Variants in BSN observed in about 807,000 individuals in gnomAD.
The protein encoded by BSN is bassoon presynaptic cytomatrix protein, also known as protein bassoon.
Under a neutral mutation model 264.8 loss-of-function variants are expected in BSN, and 57 were observed. The observed-to-expected ratio is 0.22, with a 90% CI of 0.17 to 0.27. The LOEUF is 0.27. Among genes scored for constraint, BSN ranks in the 10% least tolerant of loss-of-function variants. The pLI is 1.00. For synonymous variants in BSN, 2,059 were observed against 2,137.3 expected, an observed-to-expected ratio of 0.96 and a Z score of 1.01; for missense variants, 4,615 against 5,232.5, an observed-to-expected ratio of 0.88 and a Z score of 3.64.
At chr3:49,673,087 CTTTTTTTTTTTTTT>C (rs71080543), downstream of BSN, among the ~76,000 whole-genome samples, 20 of 43,198 alleles carry the variant, frequency 4.6e-4, no homozygotes, top group African/African-American at 1.2e-3. Context: ...CCGGCCGGGA[CTTTTTTTTTTTTTT>C]TTTTTTTTTT....
intron 1 of BSN, among the ~76,000 whole-genome samples, chr3:49,583,191 A>T (rs1486832157): frequency 6.6e-6 from 1 of 151,760 alleles, no homozygotes; most frequent in Non-Finnish European, 1.5e-5. Context: ...CTGGTCTCAA[A>T]CTCCTGGCCT....
chr3:49,660,574 C>T lies in BSN; in HGVS notation c.8729C>T (p.Ala2910Val). 1 of 1,606,406 alleles carries T rather than the reference C, an allele frequency of 6.2e-7. No homozygotes were observed. The highest frequency in any genetic ancestry group is 8.5e-7 in the Non-Finnish European group (1 of 1,175,182). ...PPPEEAHLPL[A>V]GQASPQLYAA... ...CCAGAGGAGGCTCACCTTCCCCTGG[C>T]TGGCCAGGCCTCCCCACAGCTGTAT... Residue 2910 changes from alanine to valine, a missense_variant, in exon 6 of 12, where the codon GCT (alanine) becomes GTT (valine). By Grantham distance (64) the Ala-to-Val change is moderately conservative. Around this residue, in one of 3 missense-constraint regions of BSN, gnomAD observed 3,415 missense variants for 3,866.4 expected, o/e 0.88. Transcript: ENST00000296452. This position sits in a 1 kb window ranked among gnomAD's most constrained non-coding sequence, Gnocchi z 7.1.
intron 1 of BSN, among the ~76,000 whole-genome samples, chr3:49,623,782 C>G (rs2052321485): frequency 6.6e-6 from 1 of 152,174 alleles, no homozygotes; most frequent in African/African-American, 2.4e-5. Context: ...TGCAGTATCC[C>G]CCATCCCCAG....
intron 1 of BSN, among the ~76,000 whole-genome samples, chr3:49,593,857 C>T (rs569950583): frequency 7.9e-5 from 11 of 139,096 alleles, no homozygotes; most frequent in African/African-American, 2.4e-4. Context: ...GGCTGGAGTG[C>T]GGTGGCGTGA....
chr3:49,662,845 G>A (rs750556807), intron 6 of BSN, 31 bp from the exon 7 acceptor site: 12 of 1,531,274 alleles, frequency 7.8e-6, no homozygotes, highest in African/African-American at 6.9e-5. Flanking sequence ...TAGCCCGGGG[G>A]TTGATGGTAT....
chr3:49,627,126 A>G (rs1361563439), intron 2 of BSN, among the ~76,000 whole-genome samples: 1 of 152,242 alleles, frequency 6.6e-6, no homozygotes, highest in Non-Finnish European at 1.5e-5. Flanking sequence ...AAATACTTCA[A>G]ACAAATGCTG....
chr3:49,646,133 A>C (rs990036551), intron 3 of BSN, among the ~76,000 whole-genome samples: 1 of 152,196 alleles, frequency 6.6e-6, no homozygotes, highest in Non-Finnish European at 1.5e-5. Context: ...CAGAGCACAC[A>C]ATAGAGGAGA....
At position 49,657,446 on chromosome 3, in the gene BSN, G is replaced by A. The variant is rs768612754; in HGVS notation, c.7890G>A (p.Arg2630=). 2 of 1,612,700 alleles carry A rather than the reference G, an allele frequency of 1.2e-6. No homozygotes were observed. The highest frequency in any genetic ancestry group is 2.2e-5 in the East Asian group (1 of 44,888). ...AEWEQPVRRR[R]SRLPRHSDSG... is the part of the protein sequence containing the mutation. The stretch of plus-strand genomic sequence containing the variant: ...GGGAGCAGCCAGTGCGCCGCCGCAG[G>A]TCTCGTCTTCCCCGCCACTCAGACT... Residue 2630 remains arginine (R), a synonymous_variant, in exon 5 of 12, where the codon AGG becomes AGA. Transcript: ENST00000296452.
rs2052574468 is a variant in BSN at position 49,654,331 on chromosome 3, A to G, written c.4775A>G (p.His1592Arg). Residue 1592 changes from histidine to arginine, a missense_variant, in exon 5 of 12, where the codon CAT becomes CGT. Physicochemically the swap from His to Arg is conservative, Grantham distance 29. Coordinates refer to ENST00000296452, the MANE Select transcript of BSN (RefSeq NM_003458.4). This position sits in a 1 kb window ranked among gnomAD's most constrained non-coding sequence, Gnocchi z 4.1. The stretch of plus-strand genomic sequence containing the variant: ...CCTACTGAAACCCAGCCCACCACCC[A>G]TGGCTACAGCCAGACAACACCTCCG... ...CSPTETQPTT[H>R]GYSQTTPPSV... The G allele has an allele frequency of 1.9e-6, 3 of 1,613,332 alleles. No homozygotes were observed. Among genetic ancestry groups the G allele is most frequent in the Admixed American group, 1.7e-5 (1 of 59,914 alleles).
At chr3:49,672,164 C>T (rs1575456928), downstream of BSN, among the ~76,000 whole-genome samples, 5 of 151,720 alleles carry the variant, frequency 3.3e-5, no homozygotes, top group East Asian at 9.7e-4. Context: ...AAACAGAAGC[C>T]AGAAGGTGCA....
At position 49,658,179 on chromosome 3, in the gene BSN, G is replaced by C. The variant is rs1165405994; in HGVS notation, c.8623G>C (p.Gly2875Arg). 1 of 1,574,348 alleles carries C rather than the reference G, an allele frequency of 6.4e-7. No homozygotes were observed. Among genetic ancestry groups the C allele is most frequent in the Non-Finnish European group, 8.7e-7 (1 of 1,155,332 alleles). ...KERFSLYQHQ[G>R]GLGSQVSALP... ...GAGATTCTCCCTCTACCAGCACCAGGGGGGACTGGGTAGCCAGGTATGGGA... is the reference window on the plus strand; with the variant it reads ...GAGATTCTCCCTCTACCAGCACCAGCGGGGACTGGGTAGCCAGGTATGGGA... Residue 2875 changes from glycine (G) to arginine (R), a missense_variant, in exon 5 of 12, where the codon GGG (glycine) becomes CGG (arginine). By Grantham distance (125) the Gly-to-Arg change is moderately radical (BLOSUM62 -2). Around this residue, in one of 3 missense-constraint regions of BSN, gnomAD observed 3,415 missense variants for 3,866.4 expected, o/e 0.88. Transcript: ENST00000296452.
chr3:49,665,030 C>T (rs562291178), intron 10 of BSN, among the ~76,000 whole-genome samples, 177 bp downstream of exon 10: 3 of 152,268 alleles, frequency 2.0e-5, no homozygotes, highest in African/African-American at 7.2e-5. Flanking sequence ...AGGAGGGACA[C>T]TGTGCACAGA....
chr3:49,653,898 G>A lies in BSN; in HGVS notation c.4342G>A (p.Ala1448Thr), dbSNP rs1286045453. The change falls in exon 5 of 12, where the codon GCT (alanine) becomes ACT (threonine). Residue 1448 changes from alanine to threonine, a missense_variant. Physicochemically the swap from Ala to Thr is moderately conservative, Grantham distance 58. This residue lies in a region of BSN where 3,415 missense variants were observed against 3,866.4 expected (regional missense o/e 0.88). Transcript: ENST00000296452. This position sits in a 1 kb window ranked among gnomAD's most constrained non-coding sequence, Gnocchi z 6.3. ...CAGTGGCCTTGCTGCAGCTGGACGA[G>A]CTGCTAGAGAGAAGCCCTTGAGTGC... The part of the protein sequence containing the change: ...APSGLAAAGR[A>T]AREKPLSASD... The A allele has an allele frequency of 1.2e-6, 2 of 1,614,022 alleles. No individual in the cohort carries two copies. Among genetic ancestry groups the A allele is most frequent in the African/African-American group, 1.3e-5 (1 of 74,918 alleles).
intron 1 of BSN, among the ~76,000 whole-genome samples, chr3:49,565,303 C>T (rs1324127390): frequency 5.2e-5 from 7 of 135,384 alleles, no homozygotes; most frequent in East Asian, 4.6e-4. Context: ...CCACCCACCA[C>T]GCCCAGCTAA....
intron 2 of BSN, among the ~76,000 whole-genome samples, chr3:49,641,424 C>T (rs927610918): frequency 6.6e-6 from 1 of 152,184 alleles, no homozygotes; most frequent in Admixed American, 6.5e-5. Flanking sequence ...GGGCTCTAAC[C>T]GACTCTGTTT....
intron 1 of BSN, among the ~76,000 whole-genome samples, chr3:49,589,081 A>ACTTTTT (rs2051957255): frequency 3.4e-5 from 1 of 29,478 alleles, no homozygotes. Context: ...CGCCTGGCTA[A>ACTTTTT]ATTTTTTTTT....
intron 1 of BSN, among the ~76,000 whole-genome samples, chr3:49,608,845 A>G (rs1269904300): frequency 6.6e-6 from 1 of 151,840 alleles, no homozygotes; most frequent in Non-Finnish European, 1.5e-5. Flanking sequence ...AAAAAAAAAA[A>G]GAATTGCATT....
chr3:49,573,585 A>C (rs1030636450), intron 1 of BSN, among the ~76,000 whole-genome samples: 1 of 151,614 alleles, frequency 6.6e-6, no homozygotes, highest in African/African-American at 2.4e-5. Context: ...TCCTGCCACT[A>C]TGAGAGGGCA....
chr3:49,614,022 C>T (rs982411649), intron 1 of BSN, among the ~76,000 whole-genome samples: 3 of 151,340 alleles, frequency 2.0e-5, no homozygotes, highest in African/African-American at 7.3e-5. Flanking sequence ...GTGCTTGTCA[C>T]CGGCACCATG....
Sources: gnomAD v4.1 joint callset for allele counts (sites outside exome capture counted in the v4.1 genomes callset) on GRCh38, gnomAD v4.1.1 for gene constraint, gnomAD v4.1.1 regional missense constraint, Gnocchi (gnomAD v3.1) non-coding constraint, MANE v1.5 for transcripts, NCBI Gene and HGNC (gene_info 2026-07-23, HGNC 2026-07-21) for gene names.